TNNI3K: variants seen among roughly 807,000 people sequenced by gnomAD.
The protein encoded by TNNI3K is serine/threonine-protein kinase TNNI3K.
TNNI3K carries 140 observed loss-of-function variants against 114.5 expected under a neutral mutation model. That is an observed-to-expected ratio of 1.22 (90% CI 1.07 to 1.41). The LOEUF (loss-of-function observed/expected upper bound fraction) is 1.41. Ranked by LOEUF, TNNI3K falls within the 40% of genes most tolerant of loss-of-function variation. The pLI, the probability that TNNI3K is intolerant of heterozygous loss-of-function variation, is 0.00. For missense variants in TNNI3K, 1,125 were observed against 1,007.6 expected (o/e 1.12, Z -1.58); for synonymous variants, 347 against 347.5 (o/e 1.00, Z 0.02).
At chr1:74,277,137 A>G (rs1656732284) in intron 5 of TNNI3K, among the ~76,000 whole-genome samples, 1 of 152,090 alleles carries the variant, frequency 6.6e-6, no homozygotes, top group Non-Finnish European at 1.5e-5. Flanking sequence ...ATTAGCTAAC[A>G]TTTGGTGGTA....
Position 74,463,457 on chromosome 1 carries a change from C to T in TNNI3K, c.2028C>T (p.Asp676=), listed in dbSNP as rs779056504. The change falls in exon 21 of 25, where the codon GAC becomes GAT. Residue 676 remains aspartate (D), a synonymous_variant. Transcript: ENST00000326637. Reference sequence around the variant, plus strand: ...GGTTTGCAGCGGCTGCGGCAGCAGACATGGCTTACCACCACATCAGACCTC... The same window carrying T: ...GGTTTGCAGCGGCTGCGGCAGCAGATATGGCTTACCACCACATCAGACCTC... ...AHLKPAAAAA[D]MAYHHIRPPI... The T allele has an allele frequency of 2.5e-6, 4 of 1,614,088 alleles. No individual in the cohort carries two copies. In the African/African-American group the frequency reaches 4.0e-5, roughly 16 times the overall value.
chr1:74,333,782 A>G (rs769240466), intron 6 of TNNI3K, among the ~76,000 whole-genome samples: 4 of 152,234 alleles, frequency 2.6e-5, no homozygotes, highest in Non-Finnish European at 5.9e-5. Flanking sequence ...CACCAAGAGC[A>G]ATATTTCCTA....
chr1:74,531,673 C>T (rs1646585805), intron 23 of TNNI3K, among the ~76,000 whole-genome samples: 3 of 152,308 alleles, frequency 2.0e-5, no homozygotes, highest in Middle Eastern at 3.4e-3. Flanking sequence ...GCTGTTTCTC[C>T]ACCTTTTCTT....
intron 23 of TNNI3K, among the ~76,000 whole-genome samples, chr1:74,509,680 TAG>T (rs1557616529): frequency 6.6e-6 from 1 of 150,700 alleles, no homozygotes; most frequent in Non-Finnish European, 1.5e-5. Context: ...TGTTAAGGAA[TAG>T]AGTGTTGTGT....
intron 23 of TNNI3K, among the ~76,000 whole-genome samples, chr1:74,525,754 A>G (rs188596939): frequency 6.6e-6 from 1 of 152,198 alleles, no homozygotes; most frequent in Non-Finnish European, 1.5e-5. Context: ...ATCCACAGTC[A>G]TGGTCTTGTC....
intron 23 of TNNI3K, among the ~76,000 whole-genome samples, chr1:74,492,612 C>T (rs963249451): frequency 4.6e-5 from 7 of 152,108 alleles, no homozygotes; most frequent in African/African-American, 7.2e-5. Context: ...AGGATCTGAG[C>T]AACAGAAGTT....
intron 23 of TNNI3K, among the ~76,000 whole-genome samples, chr1:74,505,024 G>T (rs1391528769): frequency 6.6e-6 from 1 of 152,166 alleles, no homozygotes; most frequent in Non-Finnish European, 1.5e-5. Flanking sequence ...ACAACGAATG[G>T]CCTGACTTTC....
intron 20 of TNNI3K, among the ~76,000 whole-genome samples, chr1:74,446,603 G>T (rs1287310346): frequency 1.3e-5 from 2 of 150,282 alleles, no homozygotes; most frequent in Non-Finnish European, 2.9e-5. Flanking sequence ...CTTTGGACAT[G>T]AAATCCTTGC....
Position 74,370,345 on chromosome 1 carries a change from G to A in TNNI3K, c.1725G>A (p.Glu575=). 1 of 1,607,920 alleles carries A rather than the reference G, an allele frequency of 6.2e-7. No individual in the cohort carries two copies. The part of the protein sequence containing the change: ...IIAVDVAKGM[E]YLHNLTQPII... ...CAGTAGATGTTGCCAAAGGCATGGA[G>A]TACCTTCACAACCTGACACAGCCAA... is the stretch of plus-strand genomic sequence containing the variant. The change falls in exon 17 of 25, where the codon GAG becomes GAA. Residue 575 remains glutamate (E), a synonymous_variant. Coordinates refer to ENST00000326637, the MANE Select transcript of TNNI3K (RefSeq NM_015978.3).
At chr1:74,455,868 A>G (rs1667204837) in intron 20 of TNNI3K, among the ~76,000 whole-genome samples, 1 of 152,192 alleles carries the variant, frequency 6.6e-6, no homozygotes, top group African/African-American at 2.4e-5. Context: ...TCAAATGCTA[A>G]TCTCTTCAAG....
intron 17 of TNNI3K, among the ~76,000 whole-genome samples, chr1:74,395,649 G>A (rs983892823): frequency 1.3e-4 from 20 of 152,262 alleles, no homozygotes; most frequent in African/African-American, 2.6e-4. Flanking sequence ...GTCCCAATCC[G>A]TGGTTATGTC....
chr1:74,286,143 T>C (rs536493), intron 5 of TNNI3K, among the ~76,000 whole-genome samples: 151,922 of 152,336 alleles, frequency 1, 75,756 homozygotes, highest in Middle Eastern at 1. Flanking sequence ...CTAAAGCCTA[T>C]GCAGTTCAGT....
At chr1:74,421,164 C>G (rs1312345031) in intron 17 of TNNI3K, among the ~76,000 whole-genome samples, 1 of 152,066 alleles carries the variant, frequency 6.6e-6, no homozygotes, top group Non-Finnish European at 1.5e-5. Context: ...AAAGGCTCTT[C>G]CTGATATTTG....
chr1:74,528,164 G>T (rs147066926), intron 23 of TNNI3K, among the ~76,000 whole-genome samples: 89 of 152,274 alleles, frequency 5.8e-4, no homozygotes, highest in African/African-American at 2.0e-3. Context: ...GTGCCACTGT[G>T]GTTCCATGCA....
intron 13 of TNNI3K, 99 bp from the exon 14 acceptor site, chr1:74,368,923 G>T: frequency 9.9e-7 from 1 of 1,010,260 alleles, no homozygotes; most frequent in South Asian, 2.3e-5. Context: ...AATGTTATTA[G>T]GAAATTATGT....
chr1:74,474,864 G>C (rs1376282864), intron 21 of TNNI3K, among the ~76,000 whole-genome samples: 2 of 151,986 alleles, frequency 1.3e-5, no homozygotes, highest in Non-Finnish European at 2.9e-5. Flanking sequence ...TAGCATTAGA[G>C]GGCCCATTCT....
At chr1:74,457,379 T>C (rs1209718840) in intron 20 of TNNI3K, among the ~76,000 whole-genome samples, 1 of 152,176 alleles carries the variant, frequency 6.6e-6, no homozygotes, top group Non-Finnish European at 1.5e-5. Flanking sequence ...GTTTAAAAAA[T>C]TAAGCCATTC....
At chr1:74,397,350 T>C (rs543998110) in intron 17 of TNNI3K, among the ~76,000 whole-genome samples, 5 of 151,796 alleles carry the variant, frequency 3.3e-5, no homozygotes, top group Admixed American at 2.0e-4. Context: ...AGAATGGCAA[T>C]AAATGACAGG....
At chr1:74,320,354 T>G (rs183180825) in intron 5 of TNNI3K, among the ~76,000 whole-genome samples, 80 of 152,298 alleles carry the variant, frequency 5.3e-4, no homozygotes, top group African/African-American at 1.9e-3. Flanking sequence ...GTTAAACATT[T>G]TTACAACTGT....
Sources: gnomAD v4.1 joint callset for allele counts (sites outside exome capture counted in the v4.1 genomes callset) on GRCh38, gnomAD v4.1.1 for gene constraint, MANE v1.5 for transcripts, NCBI Gene and HGNC (gene_info 2026-07-23, HGNC 2026-07-21) for gene names.